Variants in BBS9 observed in about 807,000 individuals in gnomAD.
The protein encoded by BBS9 is protein PTHB1.
A neutral mutation model predicts 117.7 loss-of-function variants in BBS9; 89 were observed. The ratio of observed to expected loss-of-function variants is 0.76; its 90% CI spans 0.64 to 0.90. The LOEUF (loss-of-function observed/expected upper bound fraction) is 0.90. Among genes scored for constraint, BBS9 ranks in the 40% least tolerant of loss-of-function variants. BBS9 has a pLI of 0.00. For synonymous variants in BBS9, 379 were observed against 370.9 expected (o/e 1.02, Z -0.25); for missense variants, 982 against 1,042.2 (o/e 0.94, Z 0.80).
At chr7:33,145,070 A>T (rs1250164189) in intron 1 of BBS9, among the ~76,000 whole-genome samples, 1 of 152,166 alleles carries the variant, frequency 6.6e-6, no homozygotes, top group African/African-American at 2.4e-5. Context: ...TTATGTATTG[A>T]TTGGTTGAAG....
chr7:33,462,861 C>T (rs904366951), intron 19 of BBS9, among the ~76,000 whole-genome samples: 8 of 151,964 alleles, frequency 5.3e-5, no homozygotes, highest in African/African-American at 1.7e-4. Flanking sequence ...AGTCATGAAG[C>T]CATACTCTGT....
intron 9 of BBS9, among the ~76,000 whole-genome samples, chr7:33,309,919 G>T (rs1481881143): frequency 6.6e-6 from 1 of 152,176 alleles, no homozygotes; most frequent in Admixed American, 6.5e-5. Context: ...TCATAATTAG[G>T]AGGCAGGATG....
chr7:33,594,538 G>T (rs1030701617), intron 21 of BBS9, among the ~76,000 whole-genome samples: 2 of 152,072 alleles, frequency 1.3e-5, no homozygotes, highest in African/African-American at 4.8e-5. Flanking sequence ...TATATAGAAA[G>T]GCATTTTTTT....
In BBS9 at chr7:33,312,858, C is replaced by A. The variant is rs1021059408; in HGVS notation, c.1017-23583C>A. On this transcript the variant is annotated intron_variant, in intron 9 of 22. Coordinates refer to ENST00000242067, the MANE Select transcript of BBS9 (RefSeq NM_198428.3). ...TTTATTTCTTTTGTTCATTATTTTT[C>A]TCACCCCTCTAAAATTTGAATGAAC... 3.3e-5 allele frequency among the ~76,000 whole-genome samples: 5 copies of A among 152,058 alleles called. No individual in the cohort carries two copies. In the East Asian group the frequency reaches 9.6e-4, roughly 29 times the overall value.
chr7:33,393,019 A>G lies in BBS9; in HGVS notation c.2115+4875A>G, dbSNP rs531369840. Among the ~76,000 whole-genome samples the G allele has an allele frequency of 4.6e-5, 7 of 152,256 alleles. No individual in the cohort carries two copies. In the South Asian group the frequency reaches 1.5e-3, roughly 32 times the overall value. ...TGTCTCTACATAAAATTTGAAAATT[A>G]GCTGATAGAGGTGGTGCTCACCTGT... is the stretch of plus-strand genomic sequence containing the variant. On this transcript the variant is annotated intron_variant, in intron 19 of 22. Transcript: ENST00000242067.
chr7:33,540,933 G>A (rs1194425115), intron 21 of BBS9, among the ~76,000 whole-genome samples: 1 of 152,084 alleles, frequency 6.6e-6, no homozygotes, highest in Non-Finnish European at 1.5e-5. Flanking sequence ...TTCGCACTTT[G>A]CTTATAATCC....
chr7:33,403,821 G>A (rs947650315), intron 19 of BBS9, among the ~76,000 whole-genome samples: 1 of 152,048 alleles, frequency 6.6e-6, no homozygotes, highest in Admixed American at 6.6e-5. Flanking sequence ...AGTCCTTTGG[G>A]TATATACCCA....
chr7:33,615,634 A>G (rs1865092397), intron 21 of BBS9, among the ~76,000 whole-genome samples: 1 of 152,156 alleles, frequency 6.6e-6, no homozygotes, highest in South Asian at 2.1e-4. Context: ...CAGAAAGAGA[A>G]AAAAGAAACA....
chr7:33,378,060 G>A (rs1273280594), intron 17 of BBS9, among the ~76,000 whole-genome samples: 1 of 152,162 alleles, frequency 6.6e-6, no homozygotes, highest in African/African-American at 2.4e-5. Flanking sequence ...TTGGCTGCTT[G>A]TATTATTTTC....
chr7:33,140,574 C>A (rs1001045425), intron 1 of BBS9, among the ~76,000 whole-genome samples: 4 of 152,162 alleles, frequency 2.6e-5, no homozygotes, highest in African/African-American at 9.7e-5. Flanking sequence ...GATGTATCCT[C>A]ATTCTCATAG....
chr7:33,238,757 A>G (rs944007920), intron 5 of BBS9, among the ~76,000 whole-genome samples: 5 of 152,176 alleles, frequency 3.3e-5, no homozygotes, highest in African/African-American at 1.2e-4. Flanking sequence ...TATATGCAGT[A>G]AAAGTGGATT....
At chr7:33,544,683 G>T (rs1374159393) in intron 21 of BBS9, among the ~76,000 whole-genome samples, 1 of 152,182 alleles carries the variant, frequency 6.6e-6, no homozygotes, top group South Asian at 2.1e-4. Flanking sequence ...CTGCCAGGAG[G>T]TGGTACTTTC....
chr7:33,215,060 C>T (rs963843437), intron 5 of BBS9, among the ~76,000 whole-genome samples: 4 of 152,118 alleles, frequency 2.6e-5, no homozygotes, highest in Admixed American at 6.5e-5. Context: ...GGCATGGTGG[C>T]GGGTACCTGT....
intron 19 of BBS9, among the ~76,000 whole-genome samples, chr7:33,406,309 A>G (rs941174685): frequency 3.9e-5 from 6 of 152,096 alleles, no homozygotes; most frequent in African/African-American, 7.2e-5. Context: ...TGAAGAAAAT[A>G]TATATTCTGT....
chr7:33,240,437 G>T (rs1023605596), intron 5 of BBS9, among the ~76,000 whole-genome samples: 9 of 151,738 alleles, frequency 5.9e-5, no homozygotes, highest in African/African-American at 1.9e-4. Flanking sequence ...TTTTTATTTT[G>T]TAGAGATGAG....
At chr7:33,409,138 G>A (rs1584714236) in intron 19 of BBS9, among the ~76,000 whole-genome samples, 1 of 152,058 alleles carries the variant, frequency 6.6e-6, no homozygotes, top group African/African-American at 2.4e-5. Context: ...TTCTATTGCC[G>A]TGCAGATGGT....
chr7:33,161,382 G>A (rs1255592243), intron 4 of BBS9, among the ~76,000 whole-genome samples: 1 of 152,076 alleles, frequency 6.6e-6, no homozygotes, highest in Non-Finnish European at 1.5e-5. Flanking sequence ...TTGGTTTTCT[G>A]TCCTTGTGAT....
chr7:33,268,640 A>AT (rs946511815), intron 7 of BBS9, among the ~76,000 whole-genome samples: 95 of 150,748 alleles, frequency 6.3e-4, no homozygotes, highest in South Asian at 2.1e-3. Context: ...AAGTGGAAGA[A>AT]TTTTTTTTTT....
At chr7:33,363,782 C>T (rs1263011029) in intron 16 of BBS9, among the ~76,000 whole-genome samples, 1 of 151,384 alleles carries the variant, frequency 6.6e-6, no homozygotes, top group African/African-American at 2.4e-5. Flanking sequence ...TTCAAGACTA[C>T]TTCTACATCA....
Sources: allele counts gnomAD v4.1 joint callset (sites outside exome capture counted in the v4.1 genomes callset), GRCh38; gene constraint gnomAD v4.1.1; transcripts MANE v1.5; gene names NCBI Gene and HGNC (gene_info 2026-07-23, HGNC 2026-07-21).